The following SUCLG2 variants were observed in gnomAD, a reference collection of about 807,000 sequenced individuals.
SUCLG2 encodes the protein succinate-CoA ligase GDP-forming subunit beta, also known as succinate--CoA ligase [GDP-forming] subunit beta, mitochondrial.
A neutral mutation model predicts 47.9 loss-of-function variants in SUCLG2; 42 were observed. The observed-to-expected ratio is 0.88, with a 90% CI of 0.69 to 1.14. The LOEUF (loss-of-function observed/expected upper bound fraction) is 1.14, where lower values mean the gene tolerates loss of function less well. SUCLG2 is among the 50% of genes most tolerant of loss of function. The probability of loss-of-function intolerance (pLI) is 0.00; values close to 1 mark genes in which losing one functional copy is unlikely to be tolerated. For synonymous variants in SUCLG2, 195 were observed against 197.3 expected (o/e 0.99, Z 0.10); for missense variants, 571 against 525.9 (o/e 1.09, Z -0.84).
At chr3:67,393,920 G>C (rs572509745) in intron 10 of SUCLG2, among the ~76,000 whole-genome samples, 1 of 152,294 alleles carries the variant, frequency 6.6e-6, no homozygotes, top group Non-Finnish European at 1.5e-5. Flanking sequence ...AGGGTCTGGA[G>C]TGGACCTCTA....
intron 9 of SUCLG2, among the ~76,000 whole-genome samples, chr3:67,448,840 T>C (rs1211433077): frequency 1.3e-5 from 2 of 152,188 alleles, no homozygotes; most frequent in East Asian, 3.8e-4. Flanking sequence ...TTTTTTTCTT[T>C]TCTTTTAGTG....
At chr3:67,388,574 C>A (rs1702308631) in intron 10 of SUCLG2, among the ~76,000 whole-genome samples, 1 of 152,176 alleles carries the variant, frequency 6.6e-6, no homozygotes, top group African/African-American at 2.4e-5. Context: ...TAACTGTATT[C>A]TTGGCACTGA....
At chr3:67,464,377 C>T (rs942055274) in intron 9 of SUCLG2, among the ~76,000 whole-genome samples, 11 of 152,198 alleles carry the variant, frequency 7.2e-5, no homozygotes, top group Admixed American at 2.0e-4. Flanking sequence ...CTGGGAATAG[C>T]GCTTTTTGAT....
At chr3:67,418,932 C>A (rs1703093396) in intron 9 of SUCLG2, among the ~76,000 whole-genome samples, 1 of 151,946 alleles carries the variant, frequency 6.6e-6, no homozygotes, top group African/African-American at 2.4e-5. Flanking sequence ...ATAAGAAATG[C>A]ATTCAGTGAA....
intron 2 of SUCLG2, among the ~76,000 whole-genome samples, chr3:67,575,429 G>T (rs1158379928): frequency 2.0e-5 from 3 of 152,104 alleles, no homozygotes; most frequent in Non-Finnish European, 4.4e-5. Context: ...CAGATACAAA[G>T]AGCCACATAT....
At chr3:67,422,289 T>C (rs1703178372) in intron 9 of SUCLG2, among the ~76,000 whole-genome samples, 1 of 150,920 alleles carries the variant, frequency 6.6e-6, no homozygotes, top group South Asian at 2.1e-4. Context: ...CTGGCCAACA[T>C]GGTGAAACCC....
chr3:67,414,906 A>G (rs943040526), intron 9 of SUCLG2, among the ~76,000 whole-genome samples: 5 of 152,102 alleles, frequency 3.3e-5, no homozygotes, highest in Non-Finnish European at 5.9e-5. Flanking sequence ...CCCAGGCTGG[A>G]GTGCAATGTC....
chr3:67,466,217 G>A (rs918230571), intron 9 of SUCLG2, among the ~76,000 whole-genome samples: 2 of 152,138 alleles, frequency 1.3e-5, no homozygotes, highest in Non-Finnish European at 2.9e-5. Context: ...GCCAGGCATG[G>A]TGGCATATGC....
rs995148781 is a variant in SUCLG2, at chr3:67,548,192, C to T, written c.227-19006G>A. Among the ~76,000 whole-genome samples the T allele has an allele frequency of 3.3e-5, 5 of 152,280 alleles. No homozygotes were observed. The East Asian group carries it at 7.7e-4, about 23-fold the overall frequency. Reference sequence around the variant, plus strand: ...CTGGAGTCATACAGCTAGGAAGAAACAGAGTTGAGATTTTTAAGCCAGAAA... The same window carrying T: ...CTGGAGTCATACAGCTAGGAAGAAATAGAGTTGAGATTTTTAAGCCAGAAA... On this transcript the variant is annotated intron_variant, in intron 2 of 10. Transcript: ENST00000307227.
chr3:67,462,601 C>T (rs1704365295), intron 9 of SUCLG2, among the ~76,000 whole-genome samples: 1 of 152,176 alleles, frequency 6.6e-6, no homozygotes, highest in East Asian at 1.9e-4. Flanking sequence ...ATACCACACC[C>T]TATTCATTTC....
At chr3:67,471,163 T>G (rs1704596577) in intron 9 of SUCLG2, among the ~76,000 whole-genome samples, 1 of 152,216 alleles carries the variant, frequency 6.6e-6, no homozygotes, top group African/African-American at 2.4e-5. Flanking sequence ...GGAGAAATGA[T>G]TATTTAAATC....
intron 9 of SUCLG2, among the ~76,000 whole-genome samples, chr3:67,465,023 G>A (rs1194020138): frequency 6.6e-6 from 1 of 152,154 alleles, no homozygotes; most frequent in Non-Finnish European, 1.5e-5. Flanking sequence ...CAGGGCACCT[G>A]TGGTTATGTC....
chr3:67,553,782 A>G (rs182080618), intron 2 of SUCLG2, among the ~76,000 whole-genome samples: 1 of 152,316 alleles, frequency 6.6e-6, no homozygotes, highest in African/African-American at 2.4e-5. Context: ...TTTCAACATA[A>G]AAATTACAAG....
intron 2 of SUCLG2, among the ~76,000 whole-genome samples, chr3:67,545,574 A>G (rs1706841814): frequency 6.6e-6 from 1 of 152,204 alleles, no homozygotes; most frequent in East Asian, 1.9e-4. Flanking sequence ...ATCCTGGAGG[A>G]TGAAACTGAG....
chr3:67,468,999 C>A (rs1051576537), intron 9 of SUCLG2, among the ~76,000 whole-genome samples: 30 of 151,942 alleles, frequency 2.0e-4, no homozygotes, highest in African/African-American at 7.0e-4. Flanking sequence ...TCAGCTAAGA[C>A]CTGAAGAGTA....
intron 10 of SUCLG2, among the ~76,000 whole-genome samples, chr3:67,397,482 AAGG>A (rs1279408581): frequency 1.3e-5 from 2 of 152,220 alleles, no homozygotes; most frequent in African/African-American, 2.4e-5. Flanking sequence ...GGACCTCTTC[AAGG>A]AGAACTACAA....
At chr3:67,549,206 T>C (rs1421282801) in intron 2 of SUCLG2, among the ~76,000 whole-genome samples, 1 of 152,158 alleles carries the variant, frequency 6.6e-6, no homozygotes, top group Non-Finnish European at 1.5e-5. Flanking sequence ...CTGGAAATAC[T>C]TGCAACCTCC....
intron 7 of SUCLG2, among the ~76,000 whole-genome samples, chr3:67,507,805 C>T (rs939486488): frequency 2.0e-5 from 3 of 152,186 alleles, no homozygotes; most frequent in African/African-American, 7.2e-5. Flanking sequence ...CTGTAACAAG[C>T]TAGACAACAT....
intron 9 of SUCLG2, among the ~76,000 whole-genome samples, chr3:67,491,314 G>A (rs1245651115): frequency 2.3e-4 from 34 of 150,216 alleles, no homozygotes; most frequent in Admixed American, 6.0e-4. Flanking sequence ...ACTGCATGAG[G>A]AGGAGGCTTC....
Sources: gnomAD v4.1 joint callset for allele counts (sites outside exome capture counted in the v4.1 genomes callset) on GRCh38, gnomAD v4.1.1 for gene constraint, MANE v1.5 for transcripts, NCBI Gene and HGNC (gene_info 2026-07-23, HGNC 2026-07-21) for gene names.